Variants in CCDC102B observed in about 807,000 individuals in gnomAD.
CCDC102B encodes coiled-coil domain containing 102B, also known as coiled-coil domain-containing protein 102B.
In CCDC102B, 75 loss-of-function variants were observed where a neutral mutation model predicts 57.4. The ratio of observed to expected loss-of-function variants is 1.31; its 90% confidence interval spans 1.08 to 1.58. The LOEUF (loss-of-function observed/expected upper bound fraction) is 1.58, where lower values mean the gene tolerates loss of function less well. Among genes scored for constraint, CCDC102B ranks in the 40% most tolerant of loss-of-function variants. The pLI is 0.00. For synonymous variants in CCDC102B, 206 were observed against 201.9 expected (o/e 1.02, Z -0.17); for missense variants, 636 against 582.6 (o/e 1.09, Z -0.94).
intron 4 of CCDC102B, among the ~76,000 whole-genome samples, chr18:68,862,274 T>G (rs2144885414): frequency 6.6e-6 from 1 of 152,338 alleles, no homozygotes; most frequent in Non-Finnish European, 1.5e-5. Context: ...TTTGGGACTC[T>G]AATTGGCTTT....
chr18:69,016,647 C>A (rs192102424), intron 7 of CCDC102B, among the ~76,000 whole-genome samples: 8 of 152,138 alleles, frequency 5.3e-5, no homozygotes, highest in African/African-American at 1.9e-4. Context: ...TCACTATGAC[C>A]AGTTTTTATA....
At chr18:68,853,834 TTATAA>T (rs1433567411) in intron 4 of CCDC102B, among the ~76,000 whole-genome samples, 4 of 152,068 alleles carry the variant, frequency 2.6e-5, no homozygotes, top group Non-Finnish European at 5.9e-5. Context: ...ACACACACAC[TTATAA>T]TAAAGTGTGT....
intron 2 of CCDC102B, among the ~76,000 whole-genome samples, chr18:68,734,453 G>A (rs1454744714): frequency 1.3e-5 from 2 of 152,160 alleles, no homozygotes; most frequent in Non-Finnish European, 1.5e-5. Flanking sequence ...GACACAGTAT[G>A]ACAACAACAA....
At chr18:68,881,550 T>C (rs192947801) in intron 5 of CCDC102B, among the ~76,000 whole-genome samples, 15 of 152,282 alleles carry the variant, frequency 9.9e-5, no homozygotes, top group Non-Finnish European at 1.9e-4. Context: ...TAAAGCAGAT[T>C]GCCTTCTCTA....
chr18:68,806,483 A>G (rs1381924102), intron 1 of CCDC102B, among the ~76,000 whole-genome samples: 1 of 152,116 alleles, frequency 6.6e-6, no homozygotes, highest in Admixed American at 6.5e-5. Flanking sequence ...TGCAAGTAAT[A>G]TTATTAGTAA....
intron 2 of CCDC102B, among the ~76,000 whole-genome samples, chr18:68,751,890 A>G (rs1241736347): frequency 6.6e-6 from 1 of 152,186 alleles, no homozygotes; most frequent in African/African-American, 2.4e-5. Flanking sequence ...TTGAAAAGAA[A>G]CCCATTTCTT....
chr18:68,877,766 C>CA (rs1310503437), intron 5 of CCDC102B, among the ~76,000 whole-genome samples: 1 of 152,176 alleles, frequency 6.6e-6, no homozygotes, highest in Admixed American at 6.5e-5. Flanking sequence ...CTTCTGGAAA[C>CA]ATATGCCTTA....
chr18:68,789,663 C>T (rs1191660886), intron 2 of CCDC102B, among the ~76,000 whole-genome samples: 1 of 147,878 alleles, frequency 6.8e-6, no homozygotes, highest in African/African-American at 2.5e-5. Flanking sequence ...GTTCTCGAGC[C>T]TTGGTTTTCA....
At chr18:69,003,388 G>A (rs73967757) in intron 6 of CCDC102B, among the ~76,000 whole-genome samples, 3,550 of 152,020 alleles carry the variant, frequency 0.023, 139 homozygotes, top group African/African-American at 0.08. Context: ...TCAACAAATG[G>A]ACACAAATCT....
intron 5 of CCDC102B, among the ~76,000 whole-genome samples, chr18:68,881,158 G>A (rs1037060170): frequency 6.6e-6 from 1 of 152,038 alleles, no homozygotes; most frequent in Non-Finnish European, 1.5e-5. Flanking sequence ...AGGTGAGCAG[G>A]GATGAAAAGA....
Position 68,868,621 on chromosome 18 carries a change from A to G in CCDC102B, c.937-6048A>G, listed in dbSNP as rs951845462. ...CTTCTTACGTTCCTCACCTTTCATAAGAATATATTGCTACCAAACCTGACT... is the reference window on the plus strand; with the variant it reads ...CTTCTTACGTTCCTCACCTTTCATAGGAATATATTGCTACCAAACCTGACT... On this transcript the variant is annotated intron_variant, in intron 4 of 7. Coordinates refer to ENST00000360242, the MANE Select transcript of CCDC102B (RefSeq NM_024781.3). Among the ~76,000 whole-genome samples the G allele has an allele frequency of 7.2e-5, 11 of 152,210 alleles. 1 individual carries two copies. The highest frequency in any genetic ancestry group is 2.4e-4 in the African/African-American group (10 of 41,438).
intron 6 of CCDC102B, among the ~76,000 whole-genome samples, chr18:68,941,689 A>G (rs1038226895): frequency 6.6e-6 from 1 of 152,140 alleles, no homozygotes; most frequent in Non-Finnish European, 1.5e-5. Context: ...GCGAGGATAT[A>G]TATTTTGTAG....
At chr18:68,911,109 C>A (rs1253980666) in intron 6 of CCDC102B, among the ~76,000 whole-genome samples, 1 of 152,154 alleles carries the variant, frequency 6.6e-6, no homozygotes, top group African/African-American at 2.4e-5. Context: ...GAATATAAAT[C>A]ATTTTGTCAT....
At chr18:68,918,319 G>T (rs1019579242) in intron 6 of CCDC102B, among the ~76,000 whole-genome samples, 3 of 151,952 alleles carry the variant, frequency 2.0e-5, no homozygotes, top group Non-Finnish European at 4.4e-5. Flanking sequence ...CCTGACTTCC[G>T]CTTTAACATT....
At chr18:68,917,650 A>T (rs995753798) in intron 6 of CCDC102B, among the ~76,000 whole-genome samples, 2 of 152,154 alleles carry the variant, frequency 1.3e-5, no homozygotes, top group Non-Finnish European at 2.9e-5. Context: ...GAAATAACTT[A>T]GTTTCTTTAA....
intron 2 of CCDC102B, among the ~76,000 whole-genome samples, chr18:68,792,352 G>A (rs1378317140): frequency 1.3e-5 from 2 of 152,170 alleles, no homozygotes; most frequent in African/African-American, 2.4e-5. Context: ...CGGAGCCTAA[G>A]TAGTGGATGC....
At chr18:68,859,252 A>G (rs1270631020) in intron 4 of CCDC102B, among the ~76,000 whole-genome samples, 1 of 126,592 alleles carries the variant, frequency 7.9e-6, no homozygotes. Flanking sequence ...AGCCATATGC[A>G]GAAAGCTGAA....
chr18:68,895,901 T>C (rs2040225669), intron 5 of CCDC102B, among the ~76,000 whole-genome samples: 2 of 151,978 alleles, frequency 1.3e-5, no homozygotes, highest in African/African-American at 4.8e-5. Flanking sequence ...GATGTCTCGA[T>C]ATCCATATGC....
chr18:68,892,104 CA>C (rs769286771), intron 5 of CCDC102B, among the ~76,000 whole-genome samples: 33 of 152,098 alleles, frequency 2.2e-4, no homozygotes, highest in Non-Finnish European at 4.6e-4. Flanking sequence ...GGATGAAAAT[CA>C]ATTTGTCTTA....
Sources: allele counts gnomAD v4.1 joint callset (sites outside exome capture counted in the v4.1 genomes callset), GRCh38; gene constraint gnomAD v4.1.1; transcripts MANE v1.5; gene names NCBI Gene and HGNC (gene_info 2026-07-23, HGNC 2026-07-21).